Variants in CDH13 observed in about 807,000 individuals in gnomAD.
CDH13 encodes cadherin-13.
A neutral mutation model predicts 63.8 loss-of-function variants in CDH13; 24 were observed. The ratio of observed to expected loss-of-function variants is 0.38; its 90% CI spans 0.27 to 0.53. CDH13 has a LOEUF of 0.53. Among genes scored for constraint, CDH13 ranks in the 20% least tolerant of loss-of-function variants. CDH13 has a pLI of 0.85. For missense variants in CDH13, 1,049 were observed against 903.1 expected (o/e 1.16, Z -2.07); for synonymous variants, 503 against 355.3 (o/e 1.42, Z -4.67).
rs369864330 is a variant in CDH13 at position 83,619,250 on chromosome 16, C to T, written c.1101+16656C>T. On this transcript the variant is annotated intron_variant, in intron 8 of 13. Coordinates refer to ENST00000567109, the MANE Select transcript of CDH13 (RefSeq NM_001257.5). ...GCAGTGAGTGAAGTGAACAGGGTCC[C>T]TGACCTCACGAAGCATGGCTGGGGA... 7.5e-4 allele frequency among the ~76,000 whole-genome samples: 114 copies of T among 152,302 alleles called. 3 individuals carry two copies. In the South Asian group the frequency reaches 0.022, roughly 30 times the overall value.
chr16:83,372,422 A>T (rs941609091), intron 6 of CDH13, among the ~76,000 whole-genome samples: 1 of 152,108 alleles, frequency 6.6e-6, no homozygotes, highest in African/African-American at 2.4e-5. Context: ...TGCAAAAAAT[A>T]TATATGCTGA....
chr16:83,244,691 G>T lies in CDH13; in HGVS notation c.636+27194G>T, dbSNP rs553894095. 2.0e-5 allele frequency among the ~76,000 whole-genome samples: 3 copies of T among 152,232 alleles called. No individual in the cohort carries two copies. The South Asian group carries it at 6.2e-4, about 32-fold the overall frequency. On this transcript the variant is annotated intron_variant, in intron 5 of 13. Transcript: ENST00000567109. ...GTTTGTTACAGTGAAAAGATTCCAAGCAAAATCAGCATTAAAGGCACATAG... is the reference window on the plus strand; with the variant it reads ...GTTTGTTACAGTGAAAAGATTCCAATCAAAATCAGCATTAAAGGCACATAG...
chr16:83,177,064 C>A (rs1012074780), intron 4 of CDH13, among the ~76,000 whole-genome samples: 1 of 152,160 alleles, frequency 6.6e-6, no homozygotes, highest in Admixed American at 6.5e-5. Context: ...TAAGCACTGA[C>A]CACATCTGGC....
At chr16:83,054,101 C>G (rs1448495816) in intron 3 of CDH13, among the ~76,000 whole-genome samples, 1 of 152,138 alleles carries the variant, frequency 6.6e-6, no homozygotes, top group African/African-American at 2.4e-5. Flanking sequence ...GAACAATAGG[C>G]TATACCGTAT....
At chr16:83,406,155 C>T (rs1221489740) in intron 6 of CDH13, among the ~76,000 whole-genome samples, 1 of 152,190 alleles carries the variant, frequency 6.6e-6, no homozygotes, top group African/African-American at 2.4e-5. Flanking sequence ...AATGCCCAGG[C>T]CCCTGTCTAT....
intron 1 of CDH13, among the ~76,000 whole-genome samples, chr16:82,789,267 T>C (rs1207061887): frequency 6.6e-6 from 1 of 152,182 alleles, no homozygotes; most frequent in Non-Finnish European, 1.5e-5. Context: ...CTCAGGTTAA[T>C]TACACAAAGA....
chr16:82,892,453 T>A (rs952106502), intron 2 of CDH13, among the ~76,000 whole-genome samples: 6 of 152,216 alleles, frequency 3.9e-5, no homozygotes, highest in Non-Finnish European at 8.8e-5. Context: ...TTCAAAAGAT[T>A]GTGCTGTCTG....
chr16:83,281,179 A>G (rs541194267), intron 5 of CDH13, among the ~76,000 whole-genome samples: 1 of 152,248 alleles, frequency 6.6e-6, no homozygotes, highest in Non-Finnish European at 1.5e-5. Context: ...AGCCACTTTC[A>G]TCAACGATCT....
chr16:83,444,675 T>G (rs1041620066), intron 6 of CDH13, among the ~76,000 whole-genome samples: 12 of 152,182 alleles, frequency 7.9e-5, no homozygotes, highest in Non-Finnish European at 1.8e-4. Flanking sequence ...TAATAGTAAC[T>G]GGCGAGCTGG....
At position 82,902,255 on chromosome 16, in the gene CDH13, G is replaced by C. The variant is rs2041496256; in HGVS notation, c.157+43782G>C. The stretch of plus-strand genomic sequence containing the variant: ...TATAAAGTGGTTCTTTATGTTCTTA[G>C]GGTATTCCCCATCTAAGGTAAAAAT... On this transcript the variant is annotated intron_variant, in intron 2 of 13. Coordinates refer to ENST00000567109, the MANE Select transcript of CDH13 (RefSeq NM_001257.5). Among the ~76,000 whole-genome samples, 4 of 152,262 alleles carry C rather than the reference G, an allele frequency of 2.6e-5. No homozygotes were observed. In the South Asian group the frequency reaches 8.3e-4, roughly 32 times the overall value.
intron 2 of CDH13, among the ~76,000 whole-genome samples, chr16:82,940,548 G>T (rs1419338328): frequency 1.3e-5 from 2 of 152,120 alleles, no homozygotes; most frequent in Non-Finnish European, 2.9e-5. Flanking sequence ...TTTGGTTCAG[G>T]TAAAGTTGGC....
rs182460758 is a variant in CDH13 at position 82,659,114 on chromosome 16, A to G, written c.45+31977A>G. On this transcript the variant is annotated intron_variant, in intron 1 of 13. Coordinates refer to ENST00000567109, the MANE Select transcript of CDH13 (RefSeq NM_001257.5). Reference sequence around the variant, plus strand: ...ATACAGAAAGTAATGCCAGAAGAAAACAGTGCACAGTTGCTGCTGGTTCCC... The same window carrying G: ...ATACAGAAAGTAATGCCAGAAGAAAGCAGTGCACAGTTGCTGCTGGTTCCC... 2.0e-5 allele frequency among the ~76,000 whole-genome samples: 3 copies of G among 152,308 alleles called. No individual in the cohort carries two copies. In the East Asian group the frequency reaches 5.8e-4, roughly 29 times the overall value.
At chr16:83,053,945 T>TA (rs1003246620) in intron 3 of CDH13, among the ~76,000 whole-genome samples, 80 of 152,334 alleles carry the variant, frequency 5.3e-4, no homozygotes, top group African/African-American at 1.8e-3. Context: ...ACGGACCACA[T>TA]ATGTGATGGT....
At chr16:83,700,282 T>G (rs897463404) in intron 10 of CDH13, among the ~76,000 whole-genome samples, 2 of 152,216 alleles carry the variant, frequency 1.3e-5, no homozygotes, top group African/African-American at 4.8e-5. Flanking sequence ...ACAAAGACCT[T>G]CTGCAGAAAG....
chr16:83,150,308 C>A (rs1597422830), intron 4 of CDH13, among the ~76,000 whole-genome samples: 1 of 152,318 alleles, frequency 6.6e-6, no homozygotes, highest in East Asian at 1.9e-4. Flanking sequence ...CTCTCTCTCT[C>A]TGTCTCATGT....
intron 5 of CDH13, among the ~76,000 whole-genome samples, chr16:83,265,932 G>T (rs549066395): frequency 1.3e-4 from 20 of 151,692 alleles, no homozygotes; most frequent in Non-Finnish European, 7.4e-5. Flanking sequence ...GTTATTTTCG[G>T]TTTTTTGTTT....
intron 3 of CDH13, among the ~76,000 whole-genome samples, chr16:83,113,770 A>G (rs532766710): frequency 2.6e-5 from 4 of 152,320 alleles, no homozygotes; most frequent in East Asian, 1.9e-4. Flanking sequence ...TCACAAGGTG[A>G]GAAGCCCTCA....
rs546992720 is a variant in CDH13 at position 83,382,079 on chromosome 16, CAGCTACTTA to C, written c.781+37074_781+37082del. Among the ~76,000 whole-genome samples the C allele has an allele frequency of 1.6e-4, 25 of 152,280 alleles. No individual in the cohort carries two copies. In the South Asian group the frequency reaches 5.0e-3, roughly 30 times the overall value. On this transcript the variant is annotated intron_variant, in intron 6 of 13. Transcript: ENST00000567109. ...GAATGGGCTTCCACCCCAACTCTAC[CAGCTACTTA>C]TTGTGTGGTTGTGAGTAAGTCACCT...
chr16:83,543,803 C>T (rs1187855124), intron 7 of CDH13, among the ~76,000 whole-genome samples: 2 of 152,180 alleles, frequency 1.3e-5, no homozygotes, highest in Non-Finnish European at 2.9e-5. Context: ...CAGTTCTCAT[C>T]GCTACAGAGA....
Sources: allele counts gnomAD v4.1 joint callset (sites outside exome capture counted in the v4.1 genomes callset), GRCh38; gene constraint gnomAD v4.1.1; transcripts MANE v1.5; gene names NCBI Gene and HGNC (gene_info 2026-07-23, HGNC 2026-07-21).